The following NAALADL2 variants were observed in gnomAD, a reference collection of about 807,000 sequenced individuals.
NAALADL2 encodes the protein N-acetylated alpha-linked acidic dipeptidase like 2.
A neutral mutation model predicts 87.2 loss-of-function variants in NAALADL2; 76 were observed. That is an observed-to-expected ratio of 0.87 (90% CI 0.72 to 1.05). The LOEUF (loss-of-function observed/expected upper bound fraction) is 1.05, where lower values mean the gene tolerates loss of function less well. Ranked by LOEUF, NAALADL2 falls within the 50% of genes least tolerant of loss-of-function variation. The probability of loss-of-function intolerance (pLI) is 0.00; values close to 1 mark genes in which losing one functional copy is unlikely to be tolerated. For missense variants in NAALADL2, 1,089 were observed against 945.8 expected (o/e 1.15, Z -1.99); for synonymous variants, 354 against 331.0 (o/e 1.07, Z -0.75).
intron 11 of NAALADL2, among the ~76,000 whole-genome samples, chr3:175,721,270 C>T (rs1165853341): frequency 6.6e-6 from 1 of 151,684 alleles, no homozygotes; most frequent in African/African-American, 2.4e-5. Flanking sequence ...AATAAAAGAA[C>T]AGGGGAAAAA....
At chr3:175,130,948 A>G (rs1010129132) in intron 2 of NAALADL2, among the ~76,000 whole-genome samples, 1 of 152,286 alleles carries the variant, frequency 6.6e-6, no homozygotes, top group South Asian at 2.1e-4. Flanking sequence ...GACAAATGCC[A>G]TTGGAATTTT....
chr3:175,737,277 A>T, intron 11 of NAALADL2, 29 bp from the exon 12 acceptor site: 1 of 1,255,320 alleles, frequency 8.0e-7, no homozygotes, highest in Non-Finnish European at 1.2e-6. Context: ...ACTGAATGCT[A>T]GTATTTTCTT....
intron 2 of NAALADL2, among the ~76,000 whole-genome samples, chr3:174,601,055 T>G (rs1362996761): frequency 6.6e-6 from 1 of 152,202 alleles, no homozygotes. Flanking sequence ...GAGGATCTAT[T>G]CTTTGTGTTT....
At chr3:175,221,745 T>C (rs984702878) in intron 2 of NAALADL2, among the ~76,000 whole-genome samples, 7 of 143,302 alleles carry the variant, frequency 4.9e-5, no homozygotes, top group African/African-American at 1.8e-4. Flanking sequence ...TTTTGTAGAG[T>C]AGATATTCAG....
intron 2 of NAALADL2, among the ~76,000 whole-genome samples, chr3:174,722,966 T>C (rs994608280): frequency 2.6e-5 from 4 of 152,214 alleles, no homozygotes; most frequent in African/African-American, 9.6e-5. Flanking sequence ...ACATTATTAA[T>C]TCATGGCTGT....
intron 2 of NAALADL2, among the ~76,000 whole-genome samples, chr3:175,099,297 A>C (rs1024576934): frequency 2.1e-4 from 32 of 152,314 alleles, no homozygotes; most frequent in African/African-American, 7.7e-4. Context: ...CTCCAAAATC[A>C]ACAAAGTAAC....
intron 2 of NAALADL2, among the ~76,000 whole-genome samples, chr3:174,687,586 G>A (rs553859293): frequency 1.3e-5 from 2 of 152,172 alleles, no homozygotes; most frequent in South Asian, 2.1e-4. Context: ...TGGTGAGAAG[G>A]GGGCAAAAAT....
intron 5 of NAALADL2, among the ~76,000 whole-genome samples, chr3:175,431,112 A>G (rs1029214902): frequency 2.0e-5 from 3 of 152,078 alleles, no homozygotes; most frequent in Non-Finnish European, 2.9e-5. Context: ...TTGCTTTCAT[A>G]TGATTAATAT....
intron 12 of NAALADL2, 60 bp from the exon 13 acceptor site, chr3:175,755,160 A>G: frequency 7.0e-7 from 1 of 1,418,934 alleles, no homozygotes; most frequent in East Asian, 2.3e-5. Context: ...TGATTGGAAA[A>G]TGCTTATTTT....
At chr3:174,472,565 G>A (rs746290776) in intron 1 of NAALADL2, among the ~76,000 whole-genome samples, 80 of 152,124 alleles carry the variant, frequency 5.3e-4, no homozygotes, top group Non-Finnish European at 1.0e-3. Flanking sequence ...ATCACTTTGT[G>A]TCTTTGCTTT....
intron 2 of NAALADL2, among the ~76,000 whole-genome samples, chr3:174,677,191 C>G (rs1191166486): frequency 6.6e-6 from 1 of 151,886 alleles, no homozygotes; most frequent in Non-Finnish European, 1.5e-5. Context: ...TAACCATCAT[C>G]ATTTGACACA....
intron 5 of NAALADL2, among the ~76,000 whole-genome samples, chr3:175,379,165 G>A (rs1581654003): frequency 6.7e-6 from 1 of 149,452 alleles, no homozygotes; most frequent in African/African-American, 2.5e-5. Context: ...CCTTGGGCAA[G>A]TTACTTAACC....
At chr3:175,512,836 GCAAA>G (rs372527178) in intron 9 of NAALADL2, among the ~76,000 whole-genome samples, 6 of 152,278 alleles carry the variant, frequency 3.9e-5, no homozygotes, top group African/African-American at 1.4e-4. Flanking sequence ...GCCAGCAGAA[GCAAA>G]CAATTTGCCT....
chr3:174,533,987 T>C (rs1393603705), intron 1 of NAALADL2, among the ~76,000 whole-genome samples: 1 of 152,190 alleles, frequency 6.6e-6, no homozygotes, highest in African/African-American at 2.4e-5. Flanking sequence ...TTCTCTACTT[T>C]ATAAACATGA....
intron 9 of NAALADL2, among the ~76,000 whole-genome samples, chr3:175,572,528 A>C (rs112233436): frequency 2.6e-5 from 4 of 152,194 alleles, no homozygotes. Flanking sequence ...AGAATGCAGA[A>C]GTGTTTGGGG....
chr3:175,417,810 C>T (rs1173094395), intron 5 of NAALADL2, among the ~76,000 whole-genome samples: 1 of 152,068 alleles, frequency 6.6e-6, no homozygotes. Context: ...CAATAAAAAC[C>T]TATAAACACT....
chr3:174,818,472 G>A (rs1249691273), intron 3 of NAALADL2, among the ~76,000 whole-genome samples: 1 of 152,050 alleles, frequency 6.6e-6, no homozygotes, highest in East Asian at 1.9e-4. Context: ...AAAAAAATCT[G>A]TAAGTATTAC....
At chr3:175,136,406 G>T (rs575557101) in intron 2 of NAALADL2, among the ~76,000 whole-genome samples, 1 of 152,110 alleles carries the variant, frequency 6.6e-6, no homozygotes, top group South Asian at 2.1e-4. Context: ...AACTATTCCA[G>T]TGCTTTCAAC....
At chr3:174,829,281 A>G (rs1360766591) in intron 3 of NAALADL2, among the ~76,000 whole-genome samples, 1 of 148,730 alleles carries the variant, frequency 6.7e-6, no homozygotes, top group East Asian at 2.0e-4. Flanking sequence ...CCACCCCACA[A>G]CAGTCCCCAG....
Sources: gnomAD v4.1 joint callset for allele counts (sites outside exome capture counted in the v4.1 genomes callset) on GRCh38, gnomAD v4.1.1 for gene constraint, MANE v1.5 for transcripts, NCBI Gene and HGNC (gene_info 2026-07-23, HGNC 2026-07-21) for gene names.